DCTN6: variants seen among roughly 807,000 people sequenced by gnomAD.
The protein encoded by DCTN6 is dynactin 6.
DCTN6 carries 15 observed loss-of-function variants against 25.8 expected under a neutral mutation model. The ratio of observed to expected loss-of-function variants is 0.58; its 90% confidence interval spans 0.39 to 0.89. The LOEUF (loss-of-function observed/expected upper bound fraction) is 0.89. Ranked by LOEUF, DCTN6 falls within the 40% of genes least tolerant of loss-of-function variation. The pLI is 0.00. For missense variants in DCTN6, 198 were observed against 237.6 expected (o/e 0.83, Z 1.09); for synonymous variants, 64 against 78.3 (o/e 0.82, Z 0.96).
chr8:30,163,815 G>A (rs576811946), intron 1 of DCTN6, among the ~76,000 whole-genome samples: 3 of 150,398 alleles, frequency 2.0e-5, no homozygotes, highest in Non-Finnish European at 4.4e-5. Flanking sequence ...TGATTCTCCT[G>A]CCTCAGCCTC....
At chr8:30,165,387 T>C (rs927482306) in intron 2 of DCTN6, among the ~76,000 whole-genome samples, 1 of 151,740 alleles carries the variant, frequency 6.6e-6, no homozygotes. Context: ...AGTGAACTAT[T>C]ACACTTTCAG....
At chr8:30,162,201 T>C (rs1346650917) in intron 1 of DCTN6, among the ~76,000 whole-genome samples, 6 of 152,176 alleles carry the variant, frequency 3.9e-5, no homozygotes, top group Admixed American at 6.5e-5. Context: ...GCCATTCTCC[T>C]GCCTCAGCCT....
At chr8:30,156,485 ACTCAGAAGGTGTCTCAT>A (rs1803526741) in intron 1 of DCTN6, 79 bp downstream of exon 1, 1 of 1,512,980 alleles carries the variant, frequency 6.6e-7, no homozygotes, top group Admixed American at 1.9e-5. Flanking sequence ...AATGGTGGCG[ACTCAGAAGGTGTCTCAT>A]CCTGGGCATT....
At chr8:30,182,303 C>T (rs751489066) in intron 6 of DCTN6, among the ~76,000 whole-genome samples, 12 of 152,026 alleles carry the variant, frequency 7.9e-5, no homozygotes, top group Non-Finnish European at 1.3e-4. Flanking sequence ...TCACAAGTAC[C>T]GCAGTGAGTT....
At chr8:30,157,917 G>T (rs1170815173) in intron 1 of DCTN6, among the ~76,000 whole-genome samples, 2 of 148,146 alleles carry the variant, frequency 1.4e-5, no homozygotes, top group Non-Finnish European at 3.0e-5. Context: ...AATATTATGT[G>T]CAGTAGATAG....
At chr8:30,157,424 A>G (rs1375189446) in intron 1 of DCTN6, among the ~76,000 whole-genome samples, 1 of 152,236 alleles carries the variant, frequency 6.6e-6, no homozygotes, top group East Asian at 1.9e-4. Context: ...TTTTAATACA[A>G]TGGTTTCCTT....
At chr8:30,170,767 A>AG (rs1160118939) in intron 2 of DCTN6, among the ~76,000 whole-genome samples, 4 of 94 alleles carry the variant, frequency 0.043, no homozygotes, top group African/African-American at 0.12. Context: ...TCAGCCTCCC[A>AG]ATAGCTGGGA....
At chr8:30,159,840 CA>C (rs1208961960) in intron 1 of DCTN6, among the ~76,000 whole-genome samples, 1 of 151,494 alleles carries the variant, frequency 6.6e-6, no homozygotes, top group East Asian at 1.9e-4. Flanking sequence ...CAGCTCACTG[CA>C]ACCTCTACCT....
At chr8:30,163,784 A>G (rs1039601478) in intron 1 of DCTN6, among the ~76,000 whole-genome samples, 2 of 150,106 alleles carry the variant, frequency 1.3e-5, no homozygotes, top group Non-Finnish European at 3.0e-5. Flanking sequence ...CTCACTGCAA[A>G]CTCTGTCTCC....
chr8:30,158,459 A>G (rs1803554599), intron 1 of DCTN6, among the ~76,000 whole-genome samples: 1 of 152,180 alleles, frequency 6.6e-6, no homozygotes, highest in Admixed American at 6.6e-5. Flanking sequence ...TATCATGGAA[A>G]AACATCTGGA....
intron 3 of DCTN6, chr8:30,176,868 G>A (rs1017356226): frequency 3.1e-6 from 1 of 321,538 alleles, no homozygotes; most frequent in Non-Finnish European, 5.9e-6. Context: ...CCAGCTACTC[G>A]GGAGGCTGAG....
intron 1 of DCTN6, among the ~76,000 whole-genome samples, chr8:30,158,778 CTTTTTTTTTTTT>C (rs34642265): frequency 1.4e-5 from 1 of 70,642 alleles, no homozygotes; most frequent in African/African-American, 4.6e-5. Flanking sequence ...TGCCTGGTTC[CTTTTTTTTTTTT>C]TTTTTTTTTG....
At chr8:30,176,967 C>A in intron 3 of DCTN6, 159 bp from the exon 4 acceptor site, 1 of 549,030 alleles carries the variant, frequency 1.8e-6, no homozygotes, top group Non-Finnish European at 3.2e-6. Context: ...AGTGAGATTC[C>A]ATATCAAAAA....
chr8:30,169,299 G>T (rs555787046), intron 2 of DCTN6, among the ~76,000 whole-genome samples: 2 of 151,096 alleles, frequency 1.3e-5, no homozygotes, highest in East Asian at 4.1e-4. Context: ...AGAGCTTAAG[G>T]CCTTTTGAAT....
At chr8:30,174,623 G>C (rs1430385470) in intron 2 of DCTN6, among the ~76,000 whole-genome samples, 1 of 152,148 alleles carries the variant, frequency 6.6e-6, no homozygotes, top group African/African-American at 2.4e-5. Context: ...GTAATAAAAA[G>C]ACTAATTCGG....
In DCTN6 at chr8:30,179,825, A is replaced by G. The variant is rs564360240; in HGVS notation, c.331+370A>G. 2.6e-5 allele frequency among the ~76,000 whole-genome samples: 4 copies of G among 152,298 alleles called. No homozygotes were observed. In the East Asian group the frequency reaches 7.7e-4, roughly 29 times the overall value. On this transcript the variant is annotated intron_variant, in intron 5 of 6. Transcript: ENST00000221114. ...GCAGTTGTTTTCTTTAATTTCAGGA[A>G]TACTTTTCCCTAGCCAATCAGAAAC...
At chr8:30,164,038 C>A (rs1803632798) in intron 1 of DCTN6, 73 bp from the exon 2 acceptor site, 1 of 1,312,218 alleles carries the variant, frequency 7.6e-7, no homozygotes, top group Non-Finnish European at 1.1e-6. Context: ...GTTTTCATTA[C>A]AATGTCACGG....
Position 30,180,630 on chromosome 8 carries a change from G to C in DCTN6, c.474G>C (p.Gln158His). The change falls in exon 6 of 7, where the codon CAG becomes CAC. Residue 158 changes from glutamine to histidine, a missense_variant and splice_region_variant. Transcript: ENST00000221114. ...CLRRVQTERPQPQTLQLDFLM... is the reference protein window; with the variant it reads ...CLRRVQTERPHPQTLQLDFLM... Reference sequence around the variant, plus strand: ...GTCGGGTGCAGACTGAGCGACCGCAGGTACTAGAACCTCTCTTTAAAAAGA... The same window carrying C: ...GTCGGGTGCAGACTGAGCGACCGCACGTACTAGAACCTCTCTTTAAAAAGA... 2 of 1,613,852 alleles carry C rather than the reference G, an allele frequency of 1.2e-6. No homozygotes were observed. Among genetic ancestry groups the C allele is most frequent in the Non-Finnish European group, 1.7e-6 (2 of 1,179,930 alleles).
At chr8:30,167,656 C>G (rs1803700947) in intron 2 of DCTN6, among the ~76,000 whole-genome samples, 1 of 152,140 alleles carries the variant, frequency 6.6e-6, no homozygotes, top group Non-Finnish European at 1.5e-5. Flanking sequence ...TGGTAGTGCA[C>G]AATTCTGATG....
Sources: allele counts gnomAD v4.1 joint callset (sites outside exome capture counted in the v4.1 genomes callset), GRCh38; gene constraint gnomAD v4.1.1; transcripts MANE v1.5; gene names NCBI Gene and HGNC (gene_info 2026-07-23, HGNC 2026-07-21).